Variants in IFT172 observed in about 807,000 individuals in gnomAD.
IFT172 encodes intraflagellar transport 172, also known as intraflagellar transport protein 172 homolog.
Under a neutral mutation model 248.9 loss-of-function variants are expected in IFT172, and 164 were observed. The observed-to-expected ratio is 0.66, with a 90% confidence interval of 0.58 to 0.75. The LOEUF is 0.75. Among genes scored for constraint, IFT172 ranks in the 30% least tolerant of loss-of-function variants. The pLI, the probability that IFT172 is intolerant of heterozygous loss-of-function variation, is 0.00. For missense variants in IFT172, 1,950 were observed against 2,192.4 expected, an observed-to-expected ratio of 0.89 and a Z score of 2.21; for synonymous variants, 729 against 791.6, an observed-to-expected ratio of 0.92 and a Z score of 1.33.
chr2:27,446,441 TAAA>T, intron 42 of IFT172, 86 bp from the exon 43 acceptor site: 1 of 1,146,604 alleles, frequency 8.7e-7, no homozygotes. Context: ...GCCACAGAAC[TAAA>T]AAACAACAAT....
chr2:27,458,862 C>T lies in IFT172; in HGVS notation c.2794G>A (p.Glu932Lys). The T allele has an allele frequency of 6.2e-7, 1 of 1,613,980 alleles. No homozygotes were observed. The highest frequency in any genetic ancestry group is 8.5e-7 in the Non-Finnish European group (1 of 1,179,980). The change falls in exon 26 of 48, where the codon GAG (glutamate) becomes AAG (lysine). Residue 932 changes from glutamate (E) to lysine (K), a missense_variant. Physicochemically the swap from Glu to Lys is moderately conservative, Grantham distance 56. Around this residue, in one of 3 missense-constraint regions of IFT172, gnomAD observed 1,166 missense variants for 1,254.1 expected, o/e 0.93. Coordinates refer to ENST00000260570, the MANE Select transcript of IFT172 (RefSeq NM_015662.3). ...CGATCTCCCTTAGTATAGAGCTCCT[C>T]AGCAATCTGTAGTTGATGGGAGGTA... is the stretch of plus-strand genomic sequence containing the variant. ...YASLQEYEIA[E>K]ELYTKGDRTK...
chr2:27,481,298 G>A, intron 7 of IFT172, 38 bp from the exon 8 acceptor site: 1 of 1,504,908 alleles, frequency 6.6e-7, no homozygotes, highest in South Asian at 1.2e-5. Context: ...ACTCTTCGAA[G>A]ACTCCACCCG....
rs1423737027 is a variant in IFT172 at position 27,459,404 on chromosome 2, G to A, written c.2761C>T (p.His921Tyr). 2 of 1,614,190 alleles carry A rather than the reference G, an allele frequency of 1.2e-6. No individual in the cohort carries two copies. Among genetic ancestry groups the A allele is most frequent in the Non-Finnish European group, 1.7e-6 (2 of 1,180,040 alleles). Reference sequence around the variant, plus strand: ...TCATACTCCTGCAGGGATGCATAGTGTTGGGCCACGAGAGGATAGTATTTG... The same window carrying A: ...TCATACTCCTGCAGGGATGCATAGTATTGGGCCACGAGAGGATAGTATTTG... Reference protein sequence around the residue: ...ASKYYPLVAQHYASLQEYEIA... With the variant: ...ASKYYPLVAQYYASLQEYEIA... The change falls in exon 25 of 48, where the codon CAC (histidine) becomes TAC (tyrosine). Residue 921 changes from histidine (H) to tyrosine (Y), a missense_variant. By Grantham distance (83) the His-to-Tyr change is moderately conservative (BLOSUM62 2). Around this residue, in one of 3 missense-constraint regions of IFT172, gnomAD observed 1,166 missense variants for 1,254.1 expected, o/e 0.93. Coordinates refer to ENST00000260570, the MANE Select transcript of IFT172 (RefSeq NM_015662.3).
rs765366218 is a variant in IFT172 at position 27,456,692 on chromosome 2, G to A, written c.3229-39C>T. The A allele has an allele frequency of 5.6e-6, 9 of 1,599,698 alleles. 1 individual carries two copies. In the South Asian group the frequency reaches 1.0e-4, roughly 18 times the overall value. ...TCACTCAATAATCCTGCAATACAGAGCTTCTCCCTTCTCATCTCTGACCTC... is the reference window on the plus strand; with the variant it reads ...TCACTCAATAATCCTGCAATACAGAACTTCTCCCTTCTCATCTCTGACCTC... On this transcript the variant is annotated intron_variant, in intron 29 of 47. Transcript: ENST00000260570.
At chr2:27,467,243 T>A (rs1285241626) in intron 16 of IFT172, among the ~76,000 whole-genome samples, 1 of 151,012 alleles carries the variant, frequency 6.6e-6, no homozygotes, top group African/African-American at 2.4e-5. Flanking sequence ...TAGACAATGA[T>A]AAAAAGCAAA....
At chr2:27,467,688 G>T (rs960557694) in intron 16 of IFT172, among the ~76,000 whole-genome samples, 2 of 149,104 alleles carry the variant, frequency 1.3e-5, no homozygotes, top group Non-Finnish European at 3.0e-5. Flanking sequence ...CTATGAAAGA[G>T]AAATTAAAAA....
chr2:27,455,684 C>T (rs1434063366), intron 30 of IFT172: 3 of 275,540 alleles, frequency 1.1e-5, no homozygotes, highest in African/African-American at 2.3e-5. Flanking sequence ...GCACTCCAGC[C>T]TGGGCAACAG....
chr2:27,454,010 C>A lies in IFT172; in HGVS notation c.3683G>T (p.Arg1228Ile). 1.2e-6 allele frequency: 2 copies of A among 1,613,700 alleles called. No homozygotes were observed. The highest frequency in any genetic ancestry group is 1.7e-6 in the Non-Finnish European group (2 of 1,179,934). Residue 1228 changes from arginine (R) to isoleucine (I), a missense_variant, in exon 33 of 48, where the codon AGA becomes ATA. Physicochemically the swap from Arg to Ile is moderately conservative, Grantham distance 97. This residue lies in a region of IFT172 where 620 missense variants were observed against 699.0 expected (regional missense o/e 0.89). Transcript: ENST00000260570. The surrounding 1 kb of genome is among the most constrained non-coding windows in gnomAD (Gnocchi z 4.2). ...ATAATAATTGAGGGCCAGGCCTGGT[C>A]TCTGGGCCCGGAGCAGCAGCCCTTC... ...KAEGLLLRAQRPGLALNYYKE... is the reference protein window; with the variant it reads ...KAEGLLLRAQIPGLALNYYKE...
Position 27,454,592 on chromosome 2 carries a change from T to A in IFT172, c.3440A>T (p.Lys1147Ile). 1 of 1,614,068 alleles carries A rather than the reference T, an allele frequency of 6.2e-7. No homozygotes were observed. The highest frequency in any genetic ancestry group is 8.5e-7 in the Non-Finnish European group (1 of 1,180,008). ...LKHKTPEVHLKYAMFLEDEGK... is the reference protein window; with the variant it reads ...LKHKTPEVHLIYAMFLEDEGK... The stretch of plus-strand genomic sequence containing the variant: ...CTCATCCTCCAGGAACATAGCATAT[T>A]TGAGATGAACCTCGGGGGTTTTGTG... The change falls in exon 31 of 48, where the codon AAA becomes ATA. Residue 1147 changes from lysine (K) to isoleucine (I), a missense_variant. Around this residue, in one of 3 missense-constraint regions of IFT172, gnomAD observed 164 missense variants for 239.3 expected, o/e 0.69. Transcript: ENST00000260570. The surrounding 1 kb of genome is among the most constrained non-coding windows in gnomAD (Gnocchi z 4.2).
At chr2:27,450,629 C>T (rs896041134) in intron 35 of IFT172, among the ~76,000 whole-genome samples, 7 of 152,146 alleles carry the variant, frequency 4.6e-5, no homozygotes, top group Middle Eastern at 3.2e-3. Flanking sequence ...CTTGCTATGT[C>T]GCCCAGGCTG....
intron 3 of IFT172, 65 bp downstream of exon 3, chr2:27,484,953 T>C (rs1490175418): frequency 2.2e-5 from 20 of 917,078 alleles, no homozygotes; most frequent in Non-Finnish European, 3.2e-5. Flanking sequence ...CCCTCCCCAG[T>C]GAGGCATTTC....
chr2:27,455,440 G>A (rs577303434), intron 30 of IFT172: 51 of 240,268 alleles, frequency 2.1e-4, no homozygotes, highest in African/African-American at 8.9e-4. Context: ...CGGGCGCGGT[G>A]GCTCACGCCT....
Position 27,445,032 on chromosome 2 carries a change from T to C in IFT172, c.5142A>G (p.Lys1714=), listed in dbSNP as rs777579270. 6.2e-7 allele frequency: 1 copy of C among 1,614,002 alleles called. No individual in the cohort carries two copies. The highest frequency in any genetic ancestry group is 1.1e-5 in the South Asian group (1 of 91,072). ...GKAANKDNWN[K]FLMAIKTSHS... ...CTCTAACCTTGATGGCCATAAGGAA[T>C]TTATTCCAGTTGTCCTTGTTAGCAG... is the stretch of plus-strand genomic sequence containing the variant. Residue 1714 remains lysine, a synonymous_variant, in exon 47 of 48, where the codon AAA becomes AAG. Coordinates refer to ENST00000260570, the MANE Select transcript of IFT172 (RefSeq NM_015662.3). The surrounding 1 kb of genome is among the most constrained non-coding windows in gnomAD (Gnocchi z 4.4).
chr2:27,459,540 G>C lies in IFT172; in HGVS notation c.2643-18C>G, dbSNP rs922995821. On this transcript the variant is annotated intron_variant, in intron 24 of 47. Transcript: ENST00000260570. ...TGGAGCACCTGGCAAAGTTGGGAAA[G>C]ATATAAATATGTAGGATGAAAGATG... 1.9e-6 allele frequency: 3 copies of C among 1,613,600 alleles called. No homozygotes were observed. The highest frequency in any genetic ancestry group is 2.5e-6 in the Non-Finnish European group (3 of 1,179,712).
intron 21 of IFT172, 99 bp from the exon 22 acceptor site, chr2:27,461,616 G>C: frequency 6.6e-7 from 1 of 1,516,482 alleles, no homozygotes; most frequent in Non-Finnish European, 9.1e-7. Context: ...GAATCCTCCT[G>C]GGTCAGCAGT....
chr2:27,455,243 T>C, intron 30 of IFT172: 1 of 354,580 alleles, frequency 2.8e-6, no homozygotes, highest in South Asian at 2.4e-5. Flanking sequence ...TATTAGGCTG[T>C]GCTCCAAAGT....
chr2:27,472,042 A>G, intron 15 of IFT172: 1 of 530,872 alleles, frequency 1.9e-6, no homozygotes, highest in Non-Finnish European at 3.4e-6. Context: ...TGTCTCCAAA[A>G]AAAAAAAAAA....
chr2:27,455,384 A>G, intron 30 of IFT172: 1 of 265,778 alleles, frequency 3.8e-6, no homozygotes, highest in Admixed American at 5.0e-5. Flanking sequence ...GATCAGCCCC[A>G]GATTTGATGT....
At chr2:27,484,548 G>A (rs970593354) in intron 3 of IFT172, among the ~76,000 whole-genome samples, 2 of 152,050 alleles carry the variant, frequency 1.3e-5, no homozygotes, top group African/African-American at 4.8e-5. Context: ...CCACAATCGC[G>A]CCACTGCACT....
Sources: allele counts gnomAD v4.1 joint callset (sites outside exome capture counted in the v4.1 genomes callset), GRCh38; gene constraint gnomAD v4.1.1; regional missense constraint gnomAD v4.1.1; non-coding constraint Gnocchi (gnomAD v3.1); transcripts MANE v1.5; gene names NCBI Gene and HGNC (gene_info 2026-07-23, HGNC 2026-07-21).